Variants in ADAMTS9 observed in about 807,000 individuals in gnomAD.
The protein encoded by ADAMTS9 is ADAM metallopeptidase with thrombospondin type 1 motif 9.
Under a neutral mutation model 257.1 loss-of-function variants are expected in ADAMTS9, and 107 were observed. The ratio of observed to expected loss-of-function variants is 0.42; its 90% CI spans 0.36 to 0.49. The LOEUF (loss-of-function observed/expected upper bound fraction) is 0.49, where lower values mean the gene tolerates loss of function less well. Among genes scored for constraint, ADAMTS9 ranks in the 20% least tolerant of loss-of-function variants. The pLI, the probability that ADAMTS9 is intolerant of heterozygous loss-of-function variation, is 0.03. For missense variants in ADAMTS9, 2,353 were observed against 2,469.1 expected (o/e 0.95, Z 1.00); for synonymous variants, 982 against 880.9 (o/e 1.11, Z -2.03).
intron 28 of ADAMTS9, among the ~76,000 whole-genome samples, chr3:64,577,142 C>T (rs1328501770): frequency 6.6e-6 from 1 of 152,140 alleles, no homozygotes. Flanking sequence ...CGTTGTCTTT[C>T]CCATCAAGAA....
At chr3:64,595,762 G>A (rs2084353794) in intron 27 of ADAMTS9, among the ~76,000 whole-genome samples, 1 of 151,916 alleles carries the variant, frequency 6.6e-6, no homozygotes, top group Non-Finnish European at 1.5e-5. Flanking sequence ...AGCCAAGGAT[G>A]TGGACTAACA....
At chr3:64,589,970 T>C (rs1264062013) in intron 28 of ADAMTS9, 1 of 152,208 alleles carries the variant, frequency 6.6e-6, no homozygotes, top group Non-Finnish European at 1.5e-5. Context: ...TTAGGTTTGC[T>C]TTTTCCTGTA....
chr3:64,632,397 G>A (rs942091634), intron 14 of ADAMTS9, among the ~76,000 whole-genome samples: 1 of 152,174 alleles, frequency 6.6e-6, no homozygotes, highest in Non-Finnish European at 1.5e-5. Context: ...GGGAATGGGA[G>A]CCCTGTGTTG....
At chr3:64,618,754 T>C (rs1261574601) in intron 19 of ADAMTS9, among the ~76,000 whole-genome samples, 1 of 152,198 alleles carries the variant, frequency 6.6e-6, no homozygotes, top group Non-Finnish European at 1.5e-5. Flanking sequence ...TGTTTCATTC[T>C]CCAACCAAGT....
intron 3 of ADAMTS9, among the ~76,000 whole-genome samples, chr3:64,674,186 G>A (rs953815221): frequency 1.3e-5 from 2 of 151,864 alleles, no homozygotes; most frequent in African/African-American, 4.8e-5. Context: ...TTAAAACAGT[G>A]ATTTTCTAAT....
At chr3:64,525,598 TTATAG>T (rs984222128) in intron 38 of ADAMTS9, among the ~76,000 whole-genome samples, 18 of 151,976 alleles carry the variant, frequency 1.2e-4, no homozygotes, top group Non-Finnish European at 1.5e-5. Context: ...AATAAATAAG[TTATAG>T]TATTTATTTT....
intron 26 of ADAMTS9, among the ~76,000 whole-genome samples, chr3:64,599,400 T>C (rs947202343): frequency 6.6e-6 from 1 of 152,162 alleles, no homozygotes; most frequent in African/African-American, 2.4e-5. Flanking sequence ...TACTTGAAAT[T>C]TGTCATCCAC....
intron 27 of ADAMTS9, 47 bp from the exon 28 acceptor site, chr3:64,594,481 A>G (rs751620805): frequency 6.3e-7 from 1 of 1,592,496 alleles, no homozygotes; most frequent in East Asian, 2.2e-5. Flanking sequence ...CTGAAAGGCC[A>G]ATGACAAATT....
At position 64,622,590 on chromosome 3, in the gene ADAMTS9, TA is replaced by T; in HGVS notation, c.2390-5del. On this transcript the variant is annotated splice_region_variant and splice_polypyrimidine_tract_variant and intron_variant, in intron 16 of 39. Coordinates refer to ENST00000498707, the MANE Select transcript of ADAMTS9 (RefSeq NM_182920.2). ...TCACCTTTACTGCTTGATAAAGCTG[TA>T]GGTGAAGAAACAGAATAATACATTG... 6.2e-7 allele frequency: 1 copy of T among 1,613,720 alleles called. No homozygotes were observed. The highest frequency in any genetic ancestry group is 1.3e-5 in the African/African-American group (1 of 75,044).
chr3:64,616,254 T>G, intron 19 of ADAMTS9, 84 bp from the exon 20 acceptor site: 1 of 1,428,416 alleles, frequency 7.0e-7, no homozygotes, highest in Non-Finnish European at 9.7e-7. Flanking sequence ...CATAGAAGAG[T>G]TGAGTTCTTT....
At position 64,687,579 on chromosome 3, in the gene ADAMTS9, C is replaced by T; in HGVS notation, c.79G>A (p.Ala27Thr). 2 of 1,573,206 alleles carry T rather than the reference C, an allele frequency of 1.3e-6. No individual in the cohort carries two copies. Among genetic ancestry groups the T allele is most frequent in the Non-Finnish European group, 1.7e-6 (2 of 1,160,496 alleles). The stretch of plus-strand genomic sequence containing the variant: ...TGCAGCCTGTCCTTGCGCACGGCCG[C>T]CGCGGCGTCTGGGCTCCCCATCTCG... ...LAEMGSPDAA[A>T]AVRKDRLHPR... The change falls in exon 1 of 40, where the codon GCG becomes ACG. Residue 27 changes from alanine (A) to threonine (T), a missense_variant. This residue lies in a region of ADAMTS9 where 591 missense variants were observed against 569.6 expected (regional missense o/e 1.04). Transcript: ENST00000498707. This position sits in a 1 kb window ranked among gnomAD's most constrained non-coding sequence, Gnocchi z 4.4.
Position 64,594,420 on chromosome 3 carries a change from A to C in ADAMTS9, c.4194T>G (p.Cys1398Trp). The C allele has an allele frequency of 1.2e-6, 2 of 1,613,908 alleles. No homozygotes were observed. Among genetic ancestry groups the C allele is most frequent in the Non-Finnish European group, 1.7e-6 (2 of 1,179,888 alleles). Residue 1398 changes from cysteine to tryptophan, a missense_variant, in exon 28 of 40, where the codon TGT (cysteine) becomes TGG (tryptophan). By Grantham distance (215) the Cys-to-Trp change is radical. Transcript: ENST00000498707. ...CCAGTCTTGTTCTTATGCCTCCACC[A>C]CACAGCTTAGTGCACTGGAAGAAGG... ...YGNWGECTKLCGGGIRTRLVV... is the reference protein window; with the variant it reads ...YGNWGECTKLWGGGIRTRLVV...
chr3:64,615,778 G>C (rs2084750757), intron 20 of ADAMTS9, among the ~76,000 whole-genome samples, 182 bp downstream of exon 20: 1 of 152,140 alleles, frequency 6.6e-6, no homozygotes, highest in Admixed American at 6.5e-5. Flanking sequence ...TCATGCCCAT[G>C]TCAGACATTA....
chr3:64,588,923 G>T (rs1000603371), intron 28 of ADAMTS9: 1 of 152,088 alleles, frequency 6.6e-6, no homozygotes, highest in African/African-American at 2.4e-5. Flanking sequence ...TTGTAAATTC[G>T]TATGTCATAA....
intron 26 of ADAMTS9, among the ~76,000 whole-genome samples, chr3:64,599,099 G>A (rs1185713599): frequency 6.6e-6 from 1 of 152,088 alleles, no homozygotes; most frequent in Non-Finnish European, 1.5e-5. Context: ...CTGAAGTGCT[G>A]GTGATAGCTC....
intron 32 of ADAMTS9, 124 bp downstream of exon 32, chr3:64,546,634 G>C (rs1283273999): frequency 1.9e-6 from 2 of 1,030,502 alleles, no homozygotes; most frequent in South Asian, 1.8e-5. Flanking sequence ...CCCATTTCAA[G>C]TTGCTAACTC....
At chr3:64,652,314 C>T (rs1012609809) in intron 8 of ADAMTS9, among the ~76,000 whole-genome samples, 1 of 152,164 alleles carries the variant, frequency 6.6e-6, no homozygotes, top group Non-Finnish European at 1.5e-5. Flanking sequence ...CCTCTTAATA[C>T]TTGCCAATAG....
At chr3:64,575,263 T>C (rs2083810236) in intron 28 of ADAMTS9, among the ~76,000 whole-genome samples, 1 of 152,188 alleles carries the variant, frequency 6.6e-6, no homozygotes, top group African/African-American at 2.4e-5. Context: ...TCAAAGATTA[T>C]TCTGTCCATC....
chr3:64,603,472 G>A (rs374911408), intron 25 of ADAMTS9, among the ~76,000 whole-genome samples: 212 of 152,220 alleles, frequency 1.4e-3, no homozygotes, highest in African/African-American at 5.0e-3. Flanking sequence ...CACAGCACTG[G>A]ATGAGGATTC....
Sources: allele counts gnomAD v4.1 joint callset (sites outside exome capture counted in the v4.1 genomes callset), GRCh38; gene constraint gnomAD v4.1.1; regional missense constraint gnomAD v4.1.1; non-coding constraint Gnocchi (gnomAD v3.1); transcripts MANE v1.5; gene names NCBI Gene and HGNC (gene_info 2026-07-23, HGNC 2026-07-21).